C1QTNF1: variants seen among roughly 807,000 people sequenced by gnomAD.
C1QTNF1 encodes the protein complement C1q tumor necrosis factor-related protein 1.
Under a neutral mutation model 27.8 loss-of-function variants are expected in C1QTNF1, and 22 were observed. That is an observed-to-expected ratio of 0.79 (90% CI 0.56 to 1.13). C1QTNF1 has a LOEUF of 1.13. C1QTNF1 is among the 50% of genes most tolerant of loss of function. The probability of loss-of-function intolerance (pLI) is 0.00; values close to 1 mark genes in which losing one functional copy is unlikely to be tolerated. For synonymous variants in C1QTNF1, 166 were observed against 154.3 expected (o/e 1.08, Z -0.56); for missense variants, 373 against 380.2 (o/e 0.98, Z 0.16).
At chr17:79,044,196 G>T (rs1256067035) in intron 2 of C1QTNF1, 73 bp downstream of exon 2, 9 of 1,444,126 alleles carry the variant, frequency 6.2e-6, no homozygotes, top group Admixed American at 5.4e-5. Context: ...TGGGGCCCCT[G>T]GGGGAGCTAG....
intron 1 of C1QTNF1, among the ~76,000 whole-genome samples, chr17:79,042,158 G>A (rs1044482273): frequency 6.6e-6 from 1 of 152,224 alleles, no homozygotes; most frequent in Non-Finnish European, 1.5e-5. Context: ...TTACATTTTG[G>A]TGAACAAAGA....
chr17:79,024,830 C>T (rs2071886811), intron 1 of C1QTNF1: 1 of 152,358 alleles, frequency 6.6e-6, no homozygotes, highest in African/African-American at 2.4e-5. Flanking sequence ...GGGTGTTTAT[C>T]TTGTTTCACT....
rs774920074 is a variant in C1QTNF1, at chr17:79,047,534, T to G, written c.296-4T>G. ...AACAGCACGCGTTTTCCCATCCCTT[T>G]TAGGGGAGAAGGGTGACCGCGGAGA... On this transcript the variant is annotated splice_region_variant and splice_polypyrimidine_tract_variant and intron_variant, in intron 3 of 3. Transcript: ENST00000579760. The G allele has an allele frequency of 1.3e-6, 2 of 1,521,136 alleles. No homozygotes were observed. The highest frequency in any genetic ancestry group is 1.8e-6 in the Non-Finnish European group (2 of 1,136,642). 94.2% of individuals were successfully genotyped at this position (1,521,136 alleles called of 1,614,324 possible). A position where few individuals can be genotyped will look rare whatever the true frequency, so the allele number is the denominator to read the frequency against.
At chr17:79,023,455 G>C (rs558321017), upstream of C1QTNF1, among the ~76,000 whole-genome samples, 126 of 152,284 alleles carry the variant, frequency 8.3e-4, 2 homozygotes, top group South Asian at 0.025. Flanking sequence ...GGCAGCCTAC[G>C]GGCCTTGTTC....
chr17:79,025,074 A>G (rs987292530), intron 1 of C1QTNF1: 1 of 152,226 alleles, frequency 6.6e-6, no homozygotes, highest in African/African-American at 2.4e-5. Context: ...TTGGGCAGGA[A>G]AAAACGGTGT....
At chr17:79,025,249 TG>T (rs781406021) in intron 1 of C1QTNF1, among the ~76,000 whole-genome samples, 1 of 152,120 alleles carries the variant, frequency 6.6e-6, no homozygotes, top group Non-Finnish European at 1.5e-5. Flanking sequence ...GGTGCAGGTG[TG>T]GTCCCCACTG....
chr17:79,025,942 GTGTC>G (rs1333640402), intron 1 of C1QTNF1: 1 of 436,296 alleles, frequency 2.3e-6, no homozygotes, highest in Non-Finnish European at 4.6e-6. Flanking sequence ...ACAGGTTTGT[GTGTC>G]TGCTTCTCAC....
chr17:79,025,504 A>G (rs2071922996), intron 1 of C1QTNF1, among the ~76,000 whole-genome samples: 1 of 152,092 alleles, frequency 6.6e-6, no homozygotes, highest in Admixed American at 6.5e-5. Flanking sequence ...TTTGAACATG[A>G]GAAATGCCGT....
chr17:79,044,447 T>C (rs1382182929), intron 2 of C1QTNF1, among the ~76,000 whole-genome samples: 1 of 152,152 alleles, frequency 6.6e-6, no homozygotes, highest in African/African-American at 2.4e-5. Context: ...CTTTCCATTC[T>C]CACTTTGTCC....
At chr17:79,028,044 C>G (rs537654874) in intron 1 of C1QTNF1, among the ~76,000 whole-genome samples, 1 of 152,194 alleles carries the variant, frequency 6.6e-6, no homozygotes, top group South Asian at 2.1e-4. Flanking sequence ...GCCGTCGGGA[C>G]GGCTGTGGCC....
rs138865860 is a variant in C1QTNF1, at chr17:79,031,649, G to A, written c.-15+7155G>A. On this transcript the variant is annotated intron_variant, in intron 1 of 3. Coordinates refer to ENST00000579760, the MANE Select transcript of C1QTNF1 (RefSeq NM_030968.5). The stretch of plus-strand genomic sequence containing the variant: ...AGTAGAGACAAAGTTTCACCATGTC[G>A]GCCAGGCTGGTCTTGAACTCCTGAC... Among the ~76,000 whole-genome samples the A allele has an allele frequency of 1.9e-3, 285 of 151,366 alleles. 2 individuals are homozygous for A. The highest frequency in any genetic ancestry group is 6.5e-3 in the African/African-American group (269 of 41,246).
In C1QTNF1 at chr17:79,047,681, G is replaced by A. The variant is rs1340968502; in HGVS notation, c.439G>A (p.Ala147Thr). The A allele has an allele frequency of 1.2e-6, 2 of 1,614,014 alleles. No homozygotes were observed. Among genetic ancestry groups the A allele is most frequent in the Non-Finnish European group, 1.7e-6 (2 of 1,179,958 alleles). Residue 147 changes from alanine (A) to threonine (T), a missense_variant, in exon 4 of 4, where the codon GCC (alanine) becomes ACC (threonine). Ala to Thr is a moderately conservative substitution (Grantham distance 58). Coordinates refer to ENST00000579760, the MANE Select transcript of C1QTNF1 (RefSeq NM_030968.5). ...PGERCKSHYAAFSVGRKKPMH... is the reference protein window; with the variant it reads ...PGERCKSHYATFSVGRKKPMH... ...GGAGCGGTGCAAGAGCCACTACGCC[G>A]CCTTTTCGGTGGGCCGGAAGAAGCC...
intron 2 of C1QTNF1, among the ~76,000 whole-genome samples, chr17:79,044,625 C>T (rs916281773): frequency 5.3e-5 from 8 of 152,132 alleles, no homozygotes; most frequent in African/African-American, 1.7e-4. Context: ...GTGTCGGCTT[C>T]CCTTGAAAGG....
At position 79,029,670 on chromosome 17, in the gene C1QTNF1, G is replaced by C. The variant is rs1233018289; in HGVS notation, c.-15+5176G>C. ...GGGGCTCCGTTTCCTTCTGTTTCAC[G>C]GCTGCAGGCCACCGGCCCTACTCAG... On this transcript the variant is annotated intron_variant, in intron 1 of 3. Transcript: ENST00000579760. Among the ~76,000 whole-genome samples, 4 of 152,266 alleles carry C rather than the reference G, an allele frequency of 2.6e-5. No homozygotes were observed. In the South Asian group the frequency reaches 6.2e-4, roughly 24 times the overall value.
chr17:79,043,974 C>T lies in C1QTNF1; in HGVS notation c.6C>T (p.Gly2=). 1.9e-6 allele frequency: 3 copies of T among 1,614,116 alleles called. No individual in the cohort carries two copies. The East Asian group carries it at 6.7e-5, about 36-fold the overall frequency. M[G]SRGQGLLLAY... ...CACCAGGGCCCGGCAGGAAGATGGG[C>T]TCCCGTGGACAGGGACTCTTGCTGG... The change falls in exon 2 of 4, where the codon GGC becomes GGT. Residue 2 remains glycine (G), a synonymous_variant. Coordinates refer to ENST00000579760, the MANE Select transcript of C1QTNF1 (RefSeq NM_030968.5).
intron 2 of C1QTNF1, among the ~76,000 whole-genome samples, chr17:79,045,120 C>T (rs78571192): frequency 6.6e-6 from 1 of 152,050 alleles, no homozygotes; most frequent in Non-Finnish European, 1.5e-5. Flanking sequence ...GAGGGAGGAG[C>T]GGGTCCCAGG....
intron 1 of C1QTNF1, chr17:79,043,661 C>T (rs2072483584): frequency 3.8e-6 from 2 of 528,196 alleles, no homozygotes; most frequent in African/African-American, 2.0e-5. Flanking sequence ...ACTGTGTGTG[C>T]ATGTGTGGAT....
rs915692405 is a variant in C1QTNF1, at chr17:79,046,110, T to C, written c.156-445T>C. Among the ~76,000 whole-genome samples, 1 of 152,164 alleles carries C rather than the reference T, an allele frequency of 6.6e-6. No homozygotes were observed. Among genetic ancestry groups the C allele is most frequent in the African/African-American group, 2.4e-5 (1 of 41,436 alleles). On this transcript the variant is annotated intron_variant, in intron 2 of 3. Transcript: ENST00000579760. The surrounding 1 kb of genome is among the most constrained non-coding windows in gnomAD (Gnocchi z 4.8). ...TGTCCTTCCAATCAGGTTGGAAACATAAGAGTCTCTCCAGCGGCTACAGCT... is the reference window on the plus strand; with the variant it reads ...TGTCCTTCCAATCAGGTTGGAAACACAAGAGTCTCTCCAGCGGCTACAGCT...
chr17:79,047,075 A>C, intron 3 of C1QTNF1: 1 of 266,250 alleles, frequency 3.8e-6, no homozygotes, highest in Non-Finnish European at 7.1e-6. Context: ...ACGGCAGATA[A>C]CCCTGCACAG....
Sources: allele counts gnomAD v4.1 joint callset (sites outside exome capture counted in the v4.1 genomes callset), GRCh38; gene constraint gnomAD v4.1.1; non-coding constraint Gnocchi (gnomAD v3.1); transcripts MANE v1.5; gene names NCBI Gene and HGNC (gene_info 2026-07-23, HGNC 2026-07-21).